The following INPP4B variants were observed in gnomAD, a reference collection of about 807,000 sequenced individuals.
The protein encoded by INPP4B is inositol polyphosphate-4-phosphatase type II B, also known as inositol polyphosphate 4-phosphatase type II.
A neutral mutation model predicts 122.5 loss-of-function variants in INPP4B; 55 were observed. The observed-to-expected ratio is 0.45, with a 90% CI of 0.36 to 0.56. The LOEUF (loss-of-function observed/expected upper bound fraction) is 0.56, where lower values mean the gene tolerates loss of function less well. Ranked by LOEUF, INPP4B falls within the 20% of genes least tolerant of loss-of-function variation. The pLI, the probability that INPP4B is intolerant of heterozygous loss-of-function variation, is 0.00. For missense variants in INPP4B, 1,000 were observed against 1,097.7 expected (o/e 0.91, Z 1.26); for synonymous variants, 403 against 388.7 (o/e 1.04, Z -0.43).
chr4:142,079,586 T>C (rs1772762707), intron 25 of INPP4B, among the ~76,000 whole-genome samples: 1 of 152,224 alleles, frequency 6.6e-6, no homozygotes, highest in East Asian at 1.9e-4. Context: ...AAGAGTTATA[T>C]GTATAAAAAT....
intron 9 of INPP4B, among the ~76,000 whole-genome samples, chr4:142,285,405 G>A (rs866670063): frequency 1.8e-5 from 1 of 56,712 alleles, no homozygotes; most frequent in Admixed American, 1.5e-4. Context: ...CCTCAGACAT[G>A]GTATATCTGA....
intron 20 of INPP4B, 59 bp from the exon 21 acceptor site, chr4:142,122,304 T>C: frequency 8.4e-7 from 1 of 1,193,396 alleles, no homozygotes; most frequent in Non-Finnish European, 1.2e-6. Context: ...TGTCACTAGC[T>C]ACTATGCCTC....
rs187767530 is a variant in INPP4B at position 142,453,656 on chromosome 4, A to G, written c.-127+9007T>C. 2.2e-4 allele frequency among the ~76,000 whole-genome samples: 34 copies of G among 152,196 alleles called. 1 individual carries two copies. The East Asian group carries it at 4.2e-3, about 19-fold the overall frequency. ...ACATAACTAACTTTTCTCTTTCCCT[A>G]TTGTCTACTGCATACACATAATGCA... On this transcript the variant is annotated intron_variant, in intron 3 of 25. Transcript: ENST00000262992.
intron 2 of INPP4B, among the ~76,000 whole-genome samples, chr4:142,622,574 A>G (rs1221521789): frequency 6.6e-6 from 1 of 151,982 alleles, no homozygotes; most frequent in Non-Finnish European, 1.5e-5. Context: ...AGAAGGAGAA[A>G]AAAATATCAT....
intron 25 of INPP4B, among the ~76,000 whole-genome samples, chr4:142,074,914 T>C (rs933615703): frequency 1.3e-5 from 2 of 152,032 alleles, no homozygotes; most frequent in Non-Finnish European, 1.5e-5. Flanking sequence ...CTAAATTGTA[T>C]GCATCCTTAA....
At chr4:142,801,958 C>A (rs992395750) in intron 1 of INPP4B, among the ~76,000 whole-genome samples, 16 of 152,070 alleles carry the variant, frequency 1.1e-4, no homozygotes, top group African/African-American at 3.9e-4. Flanking sequence ...GAGAGCTTGG[C>A]TGGAGAAATT....
At chr4:142,669,033 A>T (rs986264220) in intron 2 of INPP4B, among the ~76,000 whole-genome samples, 1 of 152,086 alleles carries the variant, frequency 6.6e-6, no homozygotes, top group African/African-American at 2.4e-5. Flanking sequence ...TCCAGCCTGG[A>T]TGACAGAGCA....
chr4:142,224,199 T>C (rs375443737), intron 12 of INPP4B, among the ~76,000 whole-genome samples: 4 of 152,202 alleles, frequency 2.6e-5, no homozygotes, highest in East Asian at 3.9e-4. Context: ...ATGATAAATA[T>C]ATTTTGACAA....
At chr4:142,335,154 C>A in intron 7 of INPP4B, among the ~76,000 whole-genome samples, 1 of 146,060 alleles carries the variant, frequency 6.8e-6, no homozygotes. Flanking sequence ...CACAAATTCC[C>A]AAAGCAGCTG....
chr4:142,589,544 C>T (rs1736978936), intron 2 of INPP4B, among the ~76,000 whole-genome samples: 1 of 151,984 alleles, frequency 6.6e-6, no homozygotes, highest in Non-Finnish European at 1.5e-5. Context: ...CATAAATTTT[C>T]CTCAAGAAAT....
At chr4:142,086,296 A>C (rs770353438) in intron 23 of INPP4B, 40 bp from the exon 24 acceptor site, 6 of 1,128,842 alleles carry the variant, frequency 5.3e-6, no homozygotes, top group Admixed American at 1.8e-5. Context: ...AAAATGAGAC[A>C]GTGTTCACAT....
At chr4:142,090,576 G>T (rs1779059921) in intron 23 of INPP4B, among the ~76,000 whole-genome samples, 1 of 151,982 alleles carries the variant, frequency 6.6e-6, no homozygotes, top group Non-Finnish European at 1.5e-5. Flanking sequence ...TTGGTTTTAG[G>T]CTTAGACTGT....
chr4:142,026,026 G>T lies in INPP4B; in HGVS notation c.*2756C>A, dbSNP rs939356194. On this transcript the variant is annotated 3_prime_UTR_variant, in exon 26 of 26. Transcript: ENST00000262992. ...AATAGCTAATCCAGAATTGATATCT[G>T]CATTTAATATCAAAGGGGAACATAT... The T allele has an allele frequency of 7.2e-5, 11 of 151,748 alleles. No homozygotes were observed. The highest frequency in any genetic ancestry group is 1.2e-4 in the Non-Finnish European group (8 of 67,894). 9.4% of individuals were successfully genotyped at this position (151,748 alleles called of 1,614,324 possible). A position where few individuals can be genotyped will look rare whatever the true frequency, so the allele number is the denominator to read the frequency against.
intron 25 of INPP4B, chr4:142,030,316 G>A (rs1376258400): frequency 1.3e-6 from 2 of 1,531,826 alleles, no homozygotes; most frequent in African/African-American, 1.4e-5. Flanking sequence ...TTAAATGAGG[G>A]GAAGTTGGGG....
Position 142,516,946 on chromosome 4 carries a change from G to A in INPP4B, c.-190-54220C>T, listed in dbSNP as rs555375506. The stretch of plus-strand genomic sequence containing the variant: ...TACACTCACAGAGGCATTGCACCAC[G>A]GTCTATTATTTTCCCTAAACTCTAA... On this transcript the variant is annotated intron_variant, in intron 2 of 25. Transcript: ENST00000262992. Among the ~76,000 whole-genome samples, 9 of 151,944 alleles carry A rather than the reference G, an allele frequency of 5.9e-5. No individual in the cohort carries two copies. The East Asian group carries it at 9.7e-4, about 16-fold the overall frequency.
intron 2 of INPP4B, among the ~76,000 whole-genome samples, chr4:142,585,318 C>T (rs143344207): frequency 6.6e-6 from 1 of 152,242 alleles, no homozygotes; most frequent in Non-Finnish European, 1.5e-5. Flanking sequence ...CTGTCAAATG[C>T]TCACTTTTTG....
At chr4:142,252,237 G>A (rs544736091) in intron 11 of INPP4B, among the ~76,000 whole-genome samples, 17 of 147,658 alleles carry the variant, frequency 1.2e-4, no homozygotes, top group Admixed American at 2.0e-4. Flanking sequence ...CGCCCAGGCT[G>A]GAGTGCAGTG....
At chr4:142,049,006 C>G (rs1753051043) in intron 25 of INPP4B, among the ~76,000 whole-genome samples, 1 of 151,942 alleles carries the variant, frequency 6.6e-6, no homozygotes, top group Non-Finnish European at 1.5e-5. Context: ...TTTACAATTA[C>G]ATTGTCAACA....
chr4:142,625,099 C>A (rs1746021711), intron 2 of INPP4B, among the ~76,000 whole-genome samples: 1 of 149,886 alleles, frequency 6.7e-6, no homozygotes, highest in Non-Finnish European at 1.5e-5. Context: ...TCTCACCACT[C>A]CTATTCAACA....
Sources: allele counts gnomAD v4.1 joint callset (sites outside exome capture counted in the v4.1 genomes callset), GRCh38; gene constraint gnomAD v4.1.1; transcripts MANE v1.5; gene names NCBI Gene and HGNC (gene_info 2026-07-23, HGNC 2026-07-21).